Variants in CD36 observed in about 807,000 individuals in gnomAD.
The protein encoded by CD36 is platelet glycoprotein 4.
In CD36, 119 loss-of-function variants were observed where a neutral mutation model predicts 55.2. The ratio of observed to expected loss-of-function variants is 2.15; its 90% CI spans 1.86 to 2.51. The LOEUF (loss-of-function observed/expected upper bound fraction) is 2.51, where lower values mean the gene tolerates loss of function less well. Among genes scored for constraint, CD36 ranks in the 30% most tolerant of loss-of-function variants. CD36 has a pLI of 0.00. For synonymous variants in CD36, 186 were observed against 193.6 expected (o/e 0.96, Z 0.33); for missense variants, 819 against 555.5 (o/e 1.47, Z -4.77).
At chr7:80,668,782 T>C (rs1797368286) in intron 8 of CD36, among the ~76,000 whole-genome samples, 1 of 152,156 alleles carries the variant, frequency 6.6e-6, no homozygotes, top group South Asian at 2.1e-4. Context: ...GTCACAAGGT[T>C]GACACACTTG....
Position 80,664,401 on chromosome 7 carries a change from T to G in CD36, c.610-5T>G, listed in dbSNP as rs185913608. 20 of 1,435,300 alleles carry G rather than the reference T, an allele frequency of 1.4e-5. No individual in the cohort carries two copies. The African/African-American group carries it at 2.7e-4, about 19-fold the overall frequency. The allele number at this position is 1,435,300 out of a possible 1,614,324, so 88.9% of individuals were successfully genotyped here. ...AAGTAACATTTTCCCATACATATATTTCAGTACAACAATACTGCAGATGGA... is the reference window on the plus strand; with the variant it reads ...AAGTAACATTTTCCCATACATATATGTCAGTACAACAATACTGCAGATGGA... On this transcript the variant is annotated splice_polypyrimidine_tract_variant and splice_region_variant and intron_variant, in intron 6 of 14. Coordinates refer to ENST00000447544, the MANE Select transcript of CD36 (RefSeq NM_001001548.3).
upstream of CD36, among the ~76,000 whole-genome samples, chr7:80,637,767 T>G (rs1794526812): frequency 6.6e-6 from 1 of 152,106 alleles, no homozygotes; most frequent in Non-Finnish European, 1.5e-5. Context: ...CCAGCTCTCC[T>G]ATCAAATACA....
chr7:80,626,137 A>G (rs1793725540), intron 1 of CD36: 3 of 152,208 alleles, frequency 2.0e-5, no homozygotes, highest in South Asian at 4.1e-4. Context: ...GGTTGCTTAG[A>G]AACTCAGCGA....
At chr7:80,611,364 C>T (rs1227833060) in intron 1 of CD36, among the ~76,000 whole-genome samples, 1 of 152,134 alleles carries the variant, frequency 6.6e-6, no homozygotes, top group Non-Finnish European at 1.5e-5. Context: ...AATAATCTCT[C>T]CTATTTCTTA....
chr7:80,608,397 G>C (rs1792684647), intron 1 of CD36, among the ~76,000 whole-genome samples: 1 of 152,002 alleles, frequency 6.6e-6, no homozygotes, highest in South Asian at 2.1e-4. Flanking sequence ...TGTGACCTCT[G>C]GCAAGTTAGT....
At chr7:80,620,026 G>GT (rs750152148) in intron 1 of CD36, among the ~76,000 whole-genome samples, 48 of 150,966 alleles carry the variant, frequency 3.2e-4, no homozygotes, top group African/African-American at 8.7e-4. Flanking sequence ...TTTTGTTTTT[G>GT]TTTTTTTTTA....
intron 3 of CD36, among the ~76,000 whole-genome samples, chr7:80,652,635 TTTTAC>T (rs1465605068): frequency 2.0e-5 from 3 of 152,296 alleles, no homozygotes; most frequent in African/African-American, 7.2e-5. Flanking sequence ...TTAAGAAAGT[TTTTAC>T]TTTACTAGAA....
Position 80,661,158 on chromosome 7 carries a change from T to TATCA in CD36, c.378_381dup (p.Val128IlefsTer7), listed in dbSNP as rs753791074. ...AATGGTGCCATCTTCGAACCTTCAC[T>TATCA]ATCAGTTGGAACAGAGGCTGACAAC... On this transcript the variant is annotated frameshift_variant, in exon 5 of 15. Transcript: ENST00000447544. LOFTEE classifies it high-confidence loss of function. 16 of 1,613,912 alleles carry TATCA rather than the reference T, an allele frequency of 9.9e-6. No homozygotes were observed. The highest frequency in any genetic ancestry group is 5.3e-5 in the African/African-American group (4 of 74,934).
intron 11 of CD36, 77 bp from the exon 12 acceptor site, chr7:80,672,692 CT>C (rs1288136058): frequency 1.0e-6 from 1 of 966,082 alleles, no homozygotes; most frequent in Admixed American, 2.0e-5. Flanking sequence ...TTCTCTTCTG[CT>C]GTAAGAAAAA....
At chr7:80,604,075 C>T (rs180860816) in intron 1 of CD36, among the ~76,000 whole-genome samples, 71 of 152,052 alleles carry the variant, frequency 4.7e-4, no homozygotes, top group Admixed American at 3.8e-3. Flanking sequence ...GTGTGTGCAA[C>T]GCGCTTCACA....
chr7:80,657,297 G>T (rs956378307), intron 4 of CD36, among the ~76,000 whole-genome samples: 1 of 152,104 alleles, frequency 6.6e-6, no homozygotes, highest in Non-Finnish European at 1.5e-5. Flanking sequence ...GAGAACCACC[G>T]TGCTAAATTC....
chr7:80,613,859 A>T (rs1793006350), intron 1 of CD36, among the ~76,000 whole-genome samples: 1 of 152,178 alleles, frequency 6.6e-6, no homozygotes, highest in African/African-American at 2.4e-5. Flanking sequence ...GTTACTTGGG[A>T]AGTTAATATA....
chr7:80,662,746 T>TG (rs1194117180), intron 5 of CD36, among the ~76,000 whole-genome samples: 1 of 152,086 alleles, frequency 6.6e-6, no homozygotes, highest in Non-Finnish European at 1.5e-5. Context: ...CCACTTTAAG[T>TG]GTATCGTTAA....
intron 1 of CD36, among the ~76,000 whole-genome samples, chr7:80,614,945 C>T (rs946453230): frequency 2.6e-5 from 4 of 152,068 alleles, no homozygotes; most frequent in Non-Finnish European, 2.9e-5. Flanking sequence ...TACTTCTCTT[C>T]TGTCTACCCC....
chr7:80,605,214 C>A (rs1362531367), intron 1 of CD36, among the ~76,000 whole-genome samples: 3 of 152,132 alleles, frequency 2.0e-5, no homozygotes, highest in Non-Finnish European at 4.4e-5. Context: ...CTTTCACATA[C>A]CTTTATTCAT....
chr7:80,673,647 T>A (rs1797951007), intron 13 of CD36: 3 of 561,976 alleles, frequency 5.3e-6, no homozygotes, highest in African/African-American at 3.8e-5. Flanking sequence ...GTAACATTTG[T>A]CTTCTATTGC....
chr7:80,661,346 T>C (rs539913019), intron 5 of CD36, 136 bp downstream of exon 5: 1 of 806,802 alleles, frequency 1.2e-6, no homozygotes, highest in Admixed American at 2.1e-5. Flanking sequence ...TTATTTTGAA[T>C]GGAGGCATGG....
upstream of CD36, chr7:80,636,703 T>C (rs1794433641): frequency 6.6e-6 from 1 of 152,094 alleles, no homozygotes; most frequent in Non-Finnish European, 1.5e-5. Flanking sequence ...GTGCATAGTC[T>C]TTAAAAAAAT....
intron 1 of CD36, among the ~76,000 whole-genome samples, chr7:80,608,099 T>A (rs747497430): frequency 5.9e-5 from 9 of 152,204 alleles, no homozygotes; most frequent in Non-Finnish European, 1.3e-4. Context: ...TGTACATTTT[T>A]ATGTTCAAAA....
Sources: allele counts gnomAD v4.1 joint callset (sites outside exome capture counted in the v4.1 genomes callset), GRCh38; gene constraint gnomAD v4.1.1; transcripts MANE v1.5; gene names NCBI Gene and HGNC (gene_info 2026-07-23, HGNC 2026-07-21).